The following SPEF2 variants were observed in gnomAD, a reference collection of about 807,000 sequenced individuals.
SPEF2 encodes the protein sperm flagella and cilia-associated protein 2.
Under a neutral mutation model 224.6 loss-of-function variants are expected in SPEF2, and 187 were observed. That is an observed-to-expected ratio of 0.83 (90% CI 0.74 to 0.94). SPEF2 has a LOEUF of 0.94. Ranked by LOEUF, SPEF2 falls within the 40% of genes least tolerant of loss-of-function variation. The pLI, the probability that SPEF2 is intolerant of heterozygous loss-of-function variation, is 0.00. For missense variants in SPEF2, 2,170 were observed against 2,135.6 expected, an observed-to-expected ratio of 1.02 and a Z score of -0.32; for synonymous variants, 715 against 707.3, an observed-to-expected ratio of 1.01 and a Z score of -0.17.
chr5:35,704,755 A>G (rs1012799767), intron 17 of SPEF2, 93 bp downstream of exon 17: 3 of 747,136 alleles, frequency 4.0e-6, no homozygotes, highest in African/African-American at 3.6e-5. Context: ...AAGAATATCT[A>G]TTTCTTAGCA....
At chr5:35,750,624 C>G (rs1749260976) in intron 23 of SPEF2, among the ~76,000 whole-genome samples, 1 of 151,890 alleles carries the variant, frequency 6.6e-6, no homozygotes, top group African/African-American at 2.4e-5. Flanking sequence ...CAGGGAAATG[C>G]AAATCAAAAC....
intron 30 of SPEF2, among the ~76,000 whole-genome samples, chr5:35,780,222 A>G (rs944421242): frequency 6.6e-6 from 1 of 152,208 alleles, no homozygotes; most frequent in African/African-American, 2.4e-5. Flanking sequence ...TCCCTGTAGC[A>G]TAGTCAACTG....
intron 6 of SPEF2, among the ~76,000 whole-genome samples, chr5:35,652,136 A>G (rs1475055645): frequency 6.6e-6 from 1 of 152,352 alleles, no homozygotes; most frequent in East Asian, 1.9e-4. Context: ...TAAAAAGAAA[A>G]TATAATCACT....
intron 4 of SPEF2, among the ~76,000 whole-genome samples, chr5:35,645,185 T>A (rs571146554): frequency 6.6e-6 from 1 of 152,364 alleles, no homozygotes; most frequent in Non-Finnish European, 1.5e-5. Context: ...ATGGAATGTG[T>A]AAACTACAGG....
At chr5:35,765,289 G>A (rs905696564) in intron 26 of SPEF2, among the ~76,000 whole-genome samples, 3 of 152,012 alleles carry the variant, frequency 2.0e-5, no homozygotes, top group African/African-American at 7.2e-5. Context: ...TTTTGTTGCT[G>A]TATTGTGTTG....
intron 10 of SPEF2, among the ~76,000 whole-genome samples, chr5:35,681,307 T>C (rs1171634266): frequency 6.6e-6 from 1 of 152,202 alleles, no homozygotes; most frequent in Admixed American, 6.5e-5. Context: ...AGATCTAGCA[T>C]ATGAGTGAAC....
chr5:35,705,797 A>G lies in SPEF2; in HGVS notation c.2654A>G (p.Lys885Arg), dbSNP rs769070102. 1 of 1,484,440 alleles carries G rather than the reference A, an allele frequency of 6.7e-7. No individual in the cohort carries two copies. The highest frequency in any genetic ancestry group is 2.2e-5 in the Admixed American group (1 of 45,830). 92.0% of individuals were successfully genotyped at this position (1,484,440 alleles called of 1,614,324 possible). A position where few individuals can be genotyped will look rare whatever the true frequency, so the allele number is the denominator to read the frequency against. ...ATTCTTACGACTGAAATAGCAAAAA[A>G]AAAGAATAAAGGTATTTACATTTGT... ...KEILTTEIAK[K>R]KNKVEKKLEE... Residue 885 changes from lysine (K) to arginine (R), a missense_variant, in exon 18 of 37, where the codon AAA becomes AGA. Coordinates refer to ENST00000356031, the MANE Select transcript of SPEF2 (RefSeq NM_024867.4).
chr5:35,672,884 A>G (rs986329480), intron 10 of SPEF2, among the ~76,000 whole-genome samples: 29 of 152,182 alleles, frequency 1.9e-4, no homozygotes, highest in African/African-American at 7.0e-4. Context: ...ATTATGCTTA[A>G]AATTTTTAAA....
rs1743242434 is a variant in SPEF2, at chr5:35,619,781, A to G, written c.58+1726A>G. On this transcript the variant is annotated intron_variant, in intron 1 of 36. Coordinates refer to ENST00000356031, the MANE Select transcript of SPEF2 (RefSeq NM_024867.4). ...TTTGAAATACTTTTAGGAGAAATAA[A>G]TGAAATTAATAAAGATACATAAAAT... 3.9e-5 allele frequency among the ~76,000 whole-genome samples: 6 copies of G among 152,344 alleles called. 1 individual carries two copies. The South Asian group carries it at 1.2e-3, about 32-fold the overall frequency.
chr5:35,709,093 T>C lies in SPEF2; in HGVS notation c.2811T>C (p.Thr937=). ...ATCAAAGCCATGTGGCTTCAAAAACTCCTACTGCAAAAGGAAAACCTCAAT... is the reference window on the plus strand; with the variant it reads ...ATCAAAGCCATGTGGCTTCAAAAACCCCTACTGCAAAAGGAAAACCTCAAT... ...EIHQSHVASK[T]PTAKGKPQSE... Residue 937 remains threonine, a synonymous_variant, in exon 19 of 37, where the codon ACT becomes ACC. Transcript: ENST00000356031. The C allele has an allele frequency of 6.2e-7, 1 of 1,612,600 alleles. No individual in the cohort carries two copies. The highest frequency in any genetic ancestry group is 1.3e-5 in the African/African-American group (1 of 74,906).
rs116691419 is a variant in SPEF2, at chr5:35,767,052, T to C, written c.3801+3350T>C. Among the ~76,000 whole-genome samples, 1,364 of 151,786 alleles carry C rather than the reference T, an allele frequency of 9.0e-3. 17 individuals are homozygous for C. Among genetic ancestry groups the C allele is most frequent in the African/African-American group, 0.032 (1,328 of 41,504 alleles). On this transcript the variant is annotated intron_variant, in intron 26 of 36. Transcript: ENST00000356031. ...ACTTCATTGTTTATATACAAATATT[T>C]TGATATATTATTTTACTATGTATTT...
In SPEF2 at chr5:35,652,990, C is replaced by T. The variant is rs926936633; in HGVS notation, c.792-1550C>T. ...AATATAAAAATTCATTATTTCTAGG[C>T]AAGTAACATTATGGTATATCTTGTA... On this transcript the variant is annotated intron_variant, in intron 6 of 36. Coordinates refer to ENST00000356031, the MANE Select transcript of SPEF2 (RefSeq NM_024867.4). Among the ~76,000 whole-genome samples, 3 of 152,010 alleles carry T rather than the reference C, an allele frequency of 2.0e-5. No individual in the cohort carries two copies. In the South Asian group the frequency reaches 6.2e-4, roughly 31 times the overall value.
At chr5:35,787,897 C>A (rs1038064006) in intron 30 of SPEF2, 1 of 605,472 alleles carries the variant, frequency 1.7e-6, no homozygotes, top group South Asian at 2.0e-5. Flanking sequence ...TGAATAGAGT[C>A]ACCGAAAAGC....
intron 10 of SPEF2, among the ~76,000 whole-genome samples, chr5:35,684,378 C>A (rs1753274163): frequency 6.6e-6 from 1 of 152,170 alleles, no homozygotes; most frequent in Non-Finnish European, 1.5e-5. Flanking sequence ...TCCACCAAAT[C>A]CTTTATCTGC....
At chr5:35,755,520 G>A (rs1364220062) in intron 24 of SPEF2, among the ~76,000 whole-genome samples, 1 of 152,018 alleles carries the variant, frequency 6.6e-6, no homozygotes, top group Non-Finnish European at 1.5e-5. Context: ...GACCAACAAG[G>A]AATAAAGAGG....
In SPEF2 at chr5:35,759,548, A is replaced by G. The variant is rs1750931035; in HGVS notation, c.3469-20A>G. 1 of 1,548,184 alleles carries G rather than the reference A, an allele frequency of 6.5e-7. No homozygotes were observed. The highest frequency in any genetic ancestry group is 8.8e-7 in the Non-Finnish European group (1 of 1,137,234). On this transcript the variant is annotated intron_variant, in intron 24 of 36. Transcript: ENST00000356031. Reference sequence around the variant, plus strand: ...AGCTTGTTCTTTCTTGGATATTAACATTCACATTTGCTATTAAAGGCAGAG... The same window carrying G: ...AGCTTGTTCTTTCTTGGATATTAACGTTCACATTTGCTATTAAAGGCAGAG...
chr5:35,775,212 C>T (rs1264070329), intron 28 of SPEF2, among the ~76,000 whole-genome samples: 2 of 151,830 alleles, frequency 1.3e-5, no homozygotes, highest in African/African-American at 4.8e-5. Context: ...GGTGAAGGAT[C>T]GATTGTGTTT....
At chr5:35,790,032 A>C (rs1755736440) in intron 30 of SPEF2, 1 of 702,146 alleles carries the variant, frequency 1.4e-6, no homozygotes, top group Non-Finnish European at 2.6e-6. Flanking sequence ...TAGATTTCAG[A>C]ACATTCGAAA....
chr5:35,716,485 G>A (rs1267818538), intron 20 of SPEF2, among the ~76,000 whole-genome samples: 1 of 152,064 alleles, frequency 6.6e-6, no homozygotes, highest in Non-Finnish European at 1.5e-5. Context: ...TGCTCTAAGA[G>A]CATCCTTAAT....
Sources: allele counts gnomAD v4.1 joint callset (sites outside exome capture counted in the v4.1 genomes callset), GRCh38; gene constraint gnomAD v4.1.1; transcripts MANE v1.5; gene names NCBI Gene and HGNC (gene_info 2026-07-23, HGNC 2026-07-21).